The following ZSCAN2 variants were observed in gnomAD, a reference collection of about 807,000 sequenced individuals.
ZSCAN2 encodes the protein zinc finger and SCAN domain-containing protein 2.
In ZSCAN2, 26 loss-of-function variants were observed where a neutral mutation model predicts 47.8. That is an observed-to-expected ratio of 0.54 (90% CI 0.40 to 0.75). ZSCAN2 has a LOEUF of 0.75. Among genes scored for constraint, ZSCAN2 ranks in the 30% least tolerant of loss-of-function variants. The pLI is 0.00. For missense variants in ZSCAN2, 732 were observed against 785.4 expected, an observed-to-expected ratio of 0.93 and a Z score of 0.81; for synonymous variants, 305 against 288.7, an observed-to-expected ratio of 1.06 and a Z score of -0.57.
Position 84,621,624 on chromosome 15 carries a change from C to G in ZSCAN2, c.1429C>G (p.Leu477Val), listed in dbSNP as rs1488946529. Residue 477 changes from leucine to valine, a missense_variant, in exon 3 of 3, where the codon CTG becomes GTG. Coordinates refer to ENST00000546148, the MANE Select transcript of ZSCAN2 (RefSeq NM_181877.4). This position sits in a 1 kb window ranked among gnomAD's most constrained non-coding sequence, Gnocchi z 5.7. ...MHTGEKPYEC[L>V]TCGESFSWSS... ...CACAGGGGAGAAACCCTACGAGTGC[C>G]TGACATGTGGGGAGAGCTTCAGCTG... The G allele has an allele frequency of 1.2e-6, 2 of 1,613,246 alleles. No individual in the cohort carries two copies. Among genetic ancestry groups the G allele is most frequent in the East Asian group, 4.5e-5 (2 of 44,816 alleles).
chr15:84,604,420 T>G, intron 2 of ZSCAN2, 87 bp downstream of exon 2: 2 of 1,494,570 alleles, frequency 1.3e-6, no homozygotes, highest in Non-Finnish European at 1.8e-6. Flanking sequence ...GAAGGTGGTG[T>G]CCAAGGCAGA....
Position 84,622,120 on chromosome 15 carries a change from G to T in ZSCAN2, c.*80G>T. On this transcript the variant is annotated 3_prime_UTR_variant, in exon 3 of 3. Coordinates refer to ENST00000546148, the MANE Select transcript of ZSCAN2 (RefSeq NM_181877.4). ...CCCAACAGTGATTCCCTTTCAAAGA[G>T]CTGTGCTTCCTAAACATTCTGGGGG... 1 of 1,261,946 alleles carries T rather than the reference G, an allele frequency of 7.9e-7. No individual in the cohort carries two copies. The highest frequency in any genetic ancestry group is 1.1e-6 in the Non-Finnish European group (1 of 901,906). 78.2% of individuals were successfully genotyped at this position (1,261,946 alleles called of 1,614,324 possible). A position where few individuals can be genotyped will look rare whatever the true frequency, so the allele number is the denominator to read the frequency against.
chr15:84,616,782 T>C (rs542042408), intron 2 of ZSCAN2, among the ~76,000 whole-genome samples: 1 of 152,302 alleles, frequency 6.6e-6, no homozygotes, highest in South Asian at 2.1e-4. Flanking sequence ...TGCAGGTTCT[T>C]CTAGAAGAGA....
At chr15:84,610,183 G>A (rs1895502818) in intron 2 of ZSCAN2, among the ~76,000 whole-genome samples, 1 of 152,152 alleles carries the variant, frequency 6.6e-6, no homozygotes, top group South Asian at 2.1e-4. Flanking sequence ...TTTGGACAGT[G>A]GTCAAATCAT....
Position 84,621,085 on chromosome 15 carries a change from A to G in ZSCAN2, c.890A>G (p.Gln297Arg), listed in dbSNP as rs760990068. The G allele has an allele frequency of 8.1e-6, 13 of 1,613,146 alleles. No homozygotes were observed. The highest frequency in any genetic ancestry group is 1.1e-5 in the Non-Finnish European group (13 of 1,179,794). The part of the protein sequence containing the change: ...FSRSANLITH[Q>R]RIHTGEKPFQ... ...CGGAGTGCCAACCTCATAACCCACC[A>G]GAGGATCCACACGGGGGAAAAGCCC... Residue 297 changes from glutamine to arginine, a missense_variant, in exon 3 of 3, where the codon CAG (glutamine) becomes CGG (arginine). By Grantham distance (43) the Gln-to-Arg change is conservative. This residue lies in a region of ZSCAN2 where 412 missense variants were observed against 498.0 expected (regional missense o/e 0.83). Coordinates refer to ENST00000546148, the MANE Select transcript of ZSCAN2 (RefSeq NM_181877.4). This position sits in a 1 kb window ranked among gnomAD's most constrained non-coding sequence, Gnocchi z 5.7.
chr15:84,603,870 G>C lies in ZSCAN2; in HGVS notation c.-58G>C. 4 of 1,555,592 alleles carry C rather than the reference G, an allele frequency of 2.6e-6. No homozygotes were observed. Among genetic ancestry groups the C allele is most frequent in the Non-Finnish European group, 3.5e-6 (4 of 1,149,060 alleles). ...AGGGAAGTGTCTTACCTGAGAGCCT[G>C]GCTGGAGAAGACTGAGGTCCAAGGC... On this transcript the variant is annotated 5_prime_UTR_variant, in exon 2 of 3. Coordinates refer to ENST00000546148, the MANE Select transcript of ZSCAN2 (RefSeq NM_181877.4).
At chr15:84,616,445 C>CT in intron 2 of ZSCAN2, 1 of 1,564,702 alleles carries the variant, frequency 6.4e-7, no homozygotes, top group Non-Finnish European at 8.7e-7. Context: ...CCTGAGCTTT[C>CT]TGAGTTCTGT....
chr15:84,602,171 G>C (rs1011152493), intron 1 of ZSCAN2: 1 of 151,858 alleles, frequency 6.6e-6, no homozygotes, highest in Non-Finnish European at 1.5e-5. Context: ...GGCTGGTCTC[G>C]ATCTTCCGAC....
At chr15:84,607,697 CAG>C (rs940542041) in intron 2 of ZSCAN2, among the ~76,000 whole-genome samples, 5 of 151,970 alleles carry the variant, frequency 3.3e-5, no homozygotes, top group African/African-American at 9.7e-5. Flanking sequence ...TTAGTAGAGA[CAG>C]AGTTTCACCA....
chr15:84,615,522 G>A (rs1263015810), intron 2 of ZSCAN2, among the ~76,000 whole-genome samples: 1 of 152,002 alleles, frequency 6.6e-6, no homozygotes, highest in Admixed American at 6.6e-5. Context: ...GTAGAGATGG[G>A]GTGTTGCCAT....
chr15:84,619,926 G>GTTTTTTTTTTTT lies in ZSCAN2; in HGVS notation c.407-676_407-675insTTTTTTTTTTTT, dbSNP rs1567012471. On this transcript the variant is annotated intron_variant, in intron 2 of 2. Coordinates refer to ENST00000546148, the MANE Select transcript of ZSCAN2 (RefSeq NM_181877.4). ...AGTCAGAATGAAATAAGCCTGGGTT[G>GTTTTTTTTTTTT]GTTTTTTTTTTTTTTTTTTTCCATC... is the stretch of plus-strand genomic sequence containing the variant. Among the ~76,000 whole-genome samples, 9 of 28,672 alleles carry GTTTTTTTTTTTT rather than the reference G, an allele frequency of 3.1e-4. 3 individuals carry two copies. The highest frequency in any genetic ancestry group is 3.9e-4 in the Non-Finnish European group (5 of 12,822). The allele number at this position is 28,672 out of a possible 152,430, so 18.8% of individuals were successfully genotyped here.
intron 1 of ZSCAN2, among the ~76,000 whole-genome samples, chr15:84,602,878 AAGCCTAT>A (rs1895254951): frequency 1.3e-5 from 2 of 152,114 alleles, no homozygotes; most frequent in South Asian, 4.2e-4. Context: ...CAACCACGCC[AAGCCTAT>A]AGCACAGTTT....
intron 2 of ZSCAN2, among the ~76,000 whole-genome samples, chr15:84,607,285 C>A (rs1317112577): frequency 6.6e-6 from 1 of 152,102 alleles, no homozygotes; most frequent in Non-Finnish European, 1.5e-5. Flanking sequence ...CCCAGCTCTT[C>A]CACTTCTACC....
intron 2 of ZSCAN2, among the ~76,000 whole-genome samples, chr15:84,613,440 C>T (rs1209584269): frequency 6.6e-6 from 1 of 151,902 alleles, no homozygotes; most frequent in African/African-American, 2.4e-5. Flanking sequence ...CCTGCCTCAG[C>T]CTCCCAAGTA....
intron 2 of ZSCAN2, chr15:84,606,660 GGA>G: frequency 6.3e-7 from 1 of 1,594,508 alleles, no homozygotes; most frequent in Non-Finnish European, 8.5e-7. Flanking sequence ...ATTTGGTTGG[GGA>G]GGCACAGAGC....
At chr15:84,604,522 C>G (rs1252570498) in intron 2 of ZSCAN2, among the ~76,000 whole-genome samples, 189 bp downstream of exon 2, 1 of 152,118 alleles carries the variant, frequency 6.6e-6, no homozygotes, top group Non-Finnish European at 1.5e-5. Context: ...AAAGTCAGCT[C>G]CAGAAGTGCT....
chr15:84,601,907 A>G (rs1279918002), intron 1 of ZSCAN2: 1 of 149,780 alleles, frequency 6.7e-6, no homozygotes, highest in Non-Finnish European at 1.5e-5. Context: ...ACTGCTTTCA[A>G]TATTTTGTAG....
chr15:84,612,147 T>G (rs1322109110), intron 2 of ZSCAN2: 1 of 152,360 alleles, frequency 6.6e-6, no homozygotes, highest in African/African-American at 2.4e-5. Flanking sequence ...CAGGGATCCC[T>G]TATTCTTCCC....
chr15:84,609,637 C>T (rs1895487072), intron 2 of ZSCAN2, among the ~76,000 whole-genome samples: 1 of 152,210 alleles, frequency 6.6e-6, no homozygotes, highest in African/African-American at 2.4e-5. Context: ...GTTAGTCTTT[C>T]AAGCAGCCAG....
Sources: gnomAD v4.1 joint callset for allele counts (sites outside exome capture counted in the v4.1 genomes callset) on GRCh38, gnomAD v4.1.1 for gene constraint, gnomAD v4.1.1 regional missense constraint, Gnocchi (gnomAD v3.1) non-coding constraint, MANE v1.5 for transcripts, NCBI Gene and HGNC (gene_info 2026-07-23, HGNC 2026-07-21) for gene names.